Variants in PARD3B observed in about 807,000 individuals in gnomAD.
The protein encoded by PARD3B is partitioning defective 3 homolog B.
Under a neutral mutation model 130.2 loss-of-function variants are expected in PARD3B, and 103 were observed. That is an observed-to-expected ratio of 0.79 (90% CI 0.67 to 0.93). The LOEUF (loss-of-function observed/expected upper bound fraction) is 0.93, where lower values mean the gene tolerates loss of function less well. Ranked by LOEUF, PARD3B falls within the 40% of genes least tolerant of loss-of-function variation. The probability of loss-of-function intolerance (pLI) is 0.00; values close to 1 mark genes in which losing one functional copy is unlikely to be tolerated. For missense variants in PARD3B, 1,609 were observed against 1,499.2 expected (o/e 1.07, Z -1.21); for synonymous variants, 583 against 553.2 (o/e 1.05, Z -0.76).
At position 204,664,924 on chromosome 2, in the gene PARD3B, A is replaced by AT. The variant is rs560303716; in HGVS notation, c.121-21254dup. ...TTGGGCATTAGTTTAAAAGCCTAGC[A>AT]TTTAATAGGAACTTTGGCATATGTA... On this transcript the variant is annotated intron_variant, in intron 1 of 22. Coordinates refer to ENST00000406610, the MANE Select transcript of PARD3B (RefSeq NM_001302769.2). This position sits in a 1 kb window ranked among gnomAD's most constrained non-coding sequence, Gnocchi z 5.2. Among the ~76,000 whole-genome samples, 1 of 152,166 alleles carries AT rather than the reference A, an allele frequency of 6.6e-6. No homozygotes were observed. Among genetic ancestry groups the AT allele is most frequent in the Non-Finnish European group, 1.5e-5 (1 of 68,042 alleles).
At chr2:204,583,744 C>A (rs971544404) in intron 1 of PARD3B, among the ~76,000 whole-genome samples, 1 of 152,058 alleles carries the variant, frequency 6.6e-6, no homozygotes, top group African/African-American at 2.4e-5. Flanking sequence ...AGATTCCTGG[C>A]CCACTACAGA....
At chr2:205,541,644 G>A (rs190898234) in intron 21 of PARD3B, among the ~76,000 whole-genome samples, 100 of 151,772 alleles carry the variant, frequency 6.6e-4, no homozygotes, top group Middle Eastern at 3.4e-3. Flanking sequence ...CACCGTGCCC[G>A]GCCTATTTTT....
At chr2:205,612,195 C>T (rs898769086) in intron 22 of PARD3B, among the ~76,000 whole-genome samples, 1 of 152,192 alleles carries the variant, frequency 6.6e-6, no homozygotes, top group South Asian at 2.1e-4. Flanking sequence ...TTCTGTTGCA[C>T]AAGATGGAGT....
chr2:205,586,580 A>G (rs908941381), intron 22 of PARD3B, among the ~76,000 whole-genome samples: 2 of 152,188 alleles, frequency 1.3e-5, no homozygotes, highest in South Asian at 2.1e-4. Context: ...AGCCATCTTT[A>G]TACATAGCCT....
At chr2:205,320,903 A>G (rs1166866952) in intron 18 of PARD3B, among the ~76,000 whole-genome samples, 1 of 152,218 alleles carries the variant, frequency 6.6e-6, no homozygotes, top group East Asian at 1.9e-4. Flanking sequence ...TCTTTTGGCC[A>G]TACCATTTCT....
At chr2:204,925,908 C>T (rs990041186) in intron 2 of PARD3B, among the ~76,000 whole-genome samples, 2 of 152,002 alleles carry the variant, frequency 1.3e-5, no homozygotes, top group Admixed American at 6.6e-5. Context: ...ATAAGGGGCT[C>T]TTCTACCTTT....
chr2:204,992,071 C>T (rs1427946240), intron 3 of PARD3B, among the ~76,000 whole-genome samples: 1 of 151,894 alleles, frequency 6.6e-6, no homozygotes, highest in Non-Finnish European at 1.5e-5. Flanking sequence ...TGCAGAAGCT[C>T]TTTAGTTTAA....
At chr2:205,599,536 T>C (rs2054701146) in intron 22 of PARD3B, among the ~76,000 whole-genome samples, 1 of 152,174 alleles carries the variant, frequency 6.6e-6, no homozygotes, top group Non-Finnish European at 1.5e-5. Flanking sequence ...CAAATCTGCA[T>C]CCCCAGTTTG....
intron 1 of PARD3B, among the ~76,000 whole-genome samples, chr2:204,620,176 AT>A (rs772302134): frequency 2.0e-5 from 3 of 151,806 alleles, no homozygotes; most frequent in Non-Finnish European, 2.9e-5. Context: ...TAATTTTTTT[AT>A]TTTTAGTAGA....
At position 205,160,956 on chromosome 2, in the gene PARD3B, G is replaced by A. The variant is rs1203982811; in HGVS notation, c.1620+2049G>A. On this transcript the variant is annotated intron_variant, in intron 11 of 22. Coordinates refer to ENST00000406610, the MANE Select transcript of PARD3B (RefSeq NM_001302769.2). This position sits in a 1 kb window ranked among gnomAD's most constrained non-coding sequence, Gnocchi z 4.0. The stretch of plus-strand genomic sequence containing the variant: ...TTCATGTTCCTAGAGAGCAGGGCCT[G>A]TTCGCCTGGAGGTGTCTTGTATGGT... Among the ~76,000 whole-genome samples, 1 of 152,152 alleles carries A rather than the reference G, an allele frequency of 6.6e-6. No homozygotes were observed. Among genetic ancestry groups the A allele is most frequent in the Non-Finnish European group, 1.5e-5 (1 of 68,020 alleles).
At chr2:205,355,436 T>C (rs1306838535) in intron 18 of PARD3B, among the ~76,000 whole-genome samples, 1 of 152,204 alleles carries the variant, frequency 6.6e-6, no homozygotes, top group Non-Finnish European at 1.5e-5. Context: ...GCCAAAATTA[T>C]TATTTTTCAT....
At position 205,142,918 on chromosome 2, in the gene PARD3B, C is replaced by T. The variant is rs1343307201; in HGVS notation, c.1435-15804C>T. On this transcript the variant is annotated intron_variant, in intron 10 of 22. Coordinates refer to ENST00000406610, the MANE Select transcript of PARD3B (RefSeq NM_001302769.2). This position sits in a 1 kb window ranked among gnomAD's most constrained non-coding sequence, Gnocchi z 4.3. ...TAAATAAATAAATAAATAAGATAGG[C>T]AAGCTGGCAAATAATTGTAAGAAAG... Among the ~76,000 whole-genome samples, 1 of 115,444 alleles carries T rather than the reference C, an allele frequency of 8.7e-6. No homozygotes were observed. Among genetic ancestry groups the T allele is most frequent in the African/African-American group, 2.9e-5 (1 of 33,978 alleles). The allele number at this position is 115,444 out of a possible 152,430, so 75.7% of individuals were successfully genotyped here.
intron 18 of PARD3B, among the ~76,000 whole-genome samples, chr2:205,395,259 T>C (rs1456543731): frequency 1.3e-5 from 2 of 152,186 alleles, no homozygotes; most frequent in South Asian, 4.1e-4. Flanking sequence ...ACATGGCTTC[T>C]GTTCACACTA....
intron 21 of PARD3B, among the ~76,000 whole-genome samples, chr2:205,502,295 T>C (rs539671224): frequency 4.6e-5 from 7 of 152,150 alleles, no homozygotes; most frequent in Middle Eastern, 6.8e-3. Context: ...CAAGGCAGCT[T>C]TTATGAGACT....
At chr2:205,114,391 A>T (rs1703874616) in intron 6 of PARD3B, among the ~76,000 whole-genome samples, 1 of 152,150 alleles carries the variant, frequency 6.6e-6, no homozygotes, top group African/African-American at 2.4e-5. Flanking sequence ...GTTGTCAGAA[A>T]CTTAAAAGAA....
chr2:204,786,770 A>T (rs994668241), intron 2 of PARD3B, among the ~76,000 whole-genome samples: 1 of 151,644 alleles, frequency 6.6e-6, no homozygotes, highest in Non-Finnish European at 1.5e-5. Flanking sequence ...ATGGTGTATG[A>T]CATTACCACC....
chr2:205,029,394 C>T (rs1697269154), intron 3 of PARD3B, among the ~76,000 whole-genome samples: 1 of 152,104 alleles, frequency 6.6e-6, no homozygotes, highest in Non-Finnish European at 1.5e-5. Flanking sequence ...CTACCTCATC[C>T]TATAAGTGTC....
At chr2:205,358,844 T>A (rs73062533) in intron 18 of PARD3B, among the ~76,000 whole-genome samples, 1,625 of 152,336 alleles carry the variant, frequency 0.011, 21 homozygotes, top group African/African-American at 0.038. Flanking sequence ...ATCAAAATTT[T>A]ATTGTTGAAT....
rs1364077399 is a variant in PARD3B, at chr2:205,291,081, A to G, written c.2186-9449A>G. Among the ~76,000 whole-genome samples the G allele has an allele frequency of 6.6e-6, 1 of 152,226 alleles. No homozygotes were observed. Among genetic ancestry groups the G allele is most frequent in the Non-Finnish European group, 1.5e-5 (1 of 68,040 alleles). On this transcript the variant is annotated intron_variant, in intron 16 of 22. Coordinates refer to ENST00000406610, the MANE Select transcript of PARD3B (RefSeq NM_001302769.2). This position sits in a 1 kb window ranked among gnomAD's most constrained non-coding sequence, Gnocchi z 4.6. Reference sequence around the variant, plus strand: ...TGGTACCAAGAAGTAAAATGACACTATAACAAATACCTAAAAATATGGAAA... The same window carrying G: ...TGGTACCAAGAAGTAAAATGACACTGTAACAAATACCTAAAAATATGGAAA...
Sources: allele counts gnomAD v4.1 joint callset (sites outside exome capture counted in the v4.1 genomes callset), GRCh38; gene constraint gnomAD v4.1.1; non-coding constraint Gnocchi (gnomAD v3.1); transcripts MANE v1.5; gene names NCBI Gene and HGNC (gene_info 2026-07-23, HGNC 2026-07-21).